The following ENPP6 variants were observed in gnomAD, a reference collection of about 807,000 sequenced individuals.
ENPP6 encodes the protein glycerophosphocholine cholinephosphodiesterase ENPP6.
A neutral mutation model predicts 42.0 loss-of-function variants in ENPP6; 32 were observed. The ratio of observed to expected loss-of-function variants is 0.76; its 90% CI spans 0.58 to 1.02. The LOEUF (loss-of-function observed/expected upper bound fraction) is 1.02. Ranked by LOEUF, ENPP6 falls within the 50% of genes least tolerant of loss-of-function variation. ENPP6 has a pLI of 0.00. For missense variants in ENPP6, 552 were observed against 566.8 expected (o/e 0.97, Z 0.27); for synonymous variants, 213 against 216.0 (o/e 0.99, Z 0.12).
At chr4:184,157,895 CAGGCA>C (rs1268981701) in intron 1 of ENPP6, among the ~76,000 whole-genome samples, 1 of 150,696 alleles carries the variant, frequency 6.6e-6, no homozygotes, top group Non-Finnish European at 1.5e-5. Flanking sequence ...GCTGGAATTA[CAGGCA>C]TGAGCCACTG....
intron 7 of ENPP6, among the ~76,000 whole-genome samples, chr4:184,095,139 C>A (rs1195690847): frequency 6.6e-6 from 1 of 152,202 alleles, no homozygotes; most frequent in Non-Finnish European, 1.5e-5. Context: ...GCTCTCCACG[C>A]TGTATCTGCC....
At position 184,209,465 on chromosome 4, in the gene ENPP6, C is replaced by T. The variant is rs1452634310; in HGVS notation, c.241+8114G>A. On this transcript the variant is annotated intron_variant, in intron 1 of 7. Transcript: ENST00000296741. Reference sequence around the variant, plus strand: ...CAGAAGCCTCAGGAGCCAAAGCAATCAACTGGAAGAAAGGGTATCAGCAAT... The same window carrying T: ...CAGAAGCCTCAGGAGCCAAAGCAATTAACTGGAAGAAAGGGTATCAGCAAT... Among the ~76,000 whole-genome samples the T allele has an allele frequency of 4.0e-5, 6 of 151,684 alleles. No individual in the cohort carries two copies. The East Asian group carries it at 1.2e-3, about 29-fold the overall frequency.
At chr4:184,120,682 A>C (rs1191459354) in intron 3 of ENPP6, among the ~76,000 whole-genome samples, 1 of 152,226 alleles carries the variant, frequency 6.6e-6, no homozygotes, top group Admixed American at 6.5e-5. Context: ...TCAGCCAGGA[A>C]AAAGGGCCGT....
At chr4:184,100,095 G>A (rs968599785) in intron 6 of ENPP6, among the ~76,000 whole-genome samples, 2 of 152,202 alleles carry the variant, frequency 1.3e-5, no homozygotes, top group Non-Finnish European at 2.9e-5. Flanking sequence ...CTTTCTAGTC[G>A]TAGGTAAATC....
At chr4:184,099,116 G>A (rs773771643) in intron 6 of ENPP6, among the ~76,000 whole-genome samples, 12 of 152,204 alleles carry the variant, frequency 7.9e-5, no homozygotes, top group Non-Finnish European at 1.5e-4. Context: ...GACAGTCAGA[G>A]TCACACAGCT....
intron 4 of ENPP6, 138 bp downstream of exon 4, chr4:184,117,621 A>G: frequency 7.8e-7 from 1 of 1,284,946 alleles, no homozygotes; most frequent in Non-Finnish European, 1.1e-6. Context: ...GTGTGAAGCC[A>G]AGGGACTCGT....
intron 2 of ENPP6, among the ~76,000 whole-genome samples, chr4:184,133,415 A>AT (rs1444455544): frequency 3.3e-5 from 5 of 151,940 alleles, no homozygotes; most frequent in African/African-American, 9.7e-5. Flanking sequence ...TGACCTTTTA[A>AT]TTTTTTCTCA....
chr4:184,162,547 A>AGAAGGAGGGAAG lies in ENPP6; in HGVS notation c.242-8815_242-8814insCTTCCCTCCTTC, dbSNP rs112158447. On this transcript the variant is annotated intron_variant, in intron 1 of 7. Transcript: ENST00000296741. ...GAAAGGAAGGAAAGGGAGGGAGGGA[A>AGAAGGAGGGAAG]GAAGGAAGGAAAGAAGGAAGGAAGG... 8.0e-3 allele frequency among the ~76,000 whole-genome samples: 275 copies of AGAAGGAGGGAAG among 34,536 alleles called. 1 individual carries two copies. The highest frequency in any genetic ancestry group is 0.012 in the African/African-American group (259 of 21,020). The allele number at this position is 34,536 out of a possible 152,430, so 22.7% of individuals were successfully genotyped here. A position where few individuals can be genotyped will look rare whatever the true frequency, so the allele number is the denominator to read the frequency against.
intron 1 of ENPP6, among the ~76,000 whole-genome samples, chr4:184,162,187 C>A (rs2111084857): frequency 6.6e-6 from 1 of 152,288 alleles, no homozygotes; most frequent in South Asian, 2.1e-4. Flanking sequence ...CAACCCCCTC[C>A]AAAATTTCTC....
intron 6 of ENPP6, among the ~76,000 whole-genome samples, chr4:184,110,343 T>C (rs563568162): frequency 6.6e-6 from 1 of 152,296 alleles, no homozygotes; most frequent in African/African-American, 2.4e-5. Context: ...GTCAGCTGAT[T>C]GATGAGACTG....
intron 6 of ENPP6, 116 bp from the exon 7 acceptor site, chr4:184,097,484 A>C (rs1429554178): frequency 7.0e-7 from 1 of 1,419,300 alleles, no homozygotes; most frequent in Non-Finnish European, 9.5e-7. Context: ...GCTCCGACTG[A>C]CCCAGACTGA....
At chr4:184,187,027 A>G (rs1220722439) in intron 1 of ENPP6, among the ~76,000 whole-genome samples, 1 of 152,218 alleles carries the variant, frequency 6.6e-6, no homozygotes, top group African/African-American at 2.4e-5. Flanking sequence ...AAGGTTAAAC[A>G]TAAGAGAAAT....
intron 1 of ENPP6, among the ~76,000 whole-genome samples, chr4:184,157,873 G>C (rs1449519392): frequency 6.7e-6 from 1 of 149,036 alleles, no homozygotes; most frequent in Non-Finnish European, 1.5e-5. Flanking sequence ...ACCCGCCTCA[G>C]TATCCCAAAG....
intron 2 of ENPP6, among the ~76,000 whole-genome samples, chr4:184,145,942 G>GT (rs1238138688): frequency 6.6e-6 from 1 of 151,988 alleles, no homozygotes; most frequent in African/African-American, 2.4e-5. Flanking sequence ...AAATAATTTG[G>GT]TTAGCACACC....
At chr4:184,131,126 T>C (rs185591990) in intron 2 of ENPP6, among the ~76,000 whole-genome samples, 77 of 152,062 alleles carry the variant, frequency 5.1e-4, no homozygotes, top group African/African-American at 1.8e-3. Context: ...TTCAACTTGC[T>C]TCCACCAGCA....
At position 184,090,861 on chromosome 4, in the gene ENPP6, C is replaced by T; in HGVS notation, c.*316G>A. The T allele has an allele frequency of 4.6e-6, 2 of 437,230 alleles. No homozygotes were observed. Among genetic ancestry groups the T allele is most frequent in the Non-Finnish European group, 8.0e-6 (2 of 249,438 alleles). The allele number at this position is 437,230 out of a possible 1,614,324, so 27.1% of individuals were successfully genotyped here. ...CCACGTCTGTCTGCAATAACCACTC[C>T]AAGTTTGGTTGCTGCAGGAGCAGGT... On this transcript the variant is annotated 3_prime_UTR_variant, in exon 8 of 8. Transcript: ENST00000296741.
chr4:184,194,667 A>G (rs984468575), intron 1 of ENPP6, among the ~76,000 whole-genome samples: 2 of 152,290 alleles, frequency 1.3e-5, no homozygotes, highest in Non-Finnish European at 2.9e-5. Context: ...CCAGGGAGGA[A>G]AAAGAAGGAG....
intron 1 of ENPP6, among the ~76,000 whole-genome samples, chr4:184,189,343 A>G (rs1732683103): frequency 1.3e-5 from 2 of 152,242 alleles, no homozygotes; most frequent in African/African-American, 4.8e-5. Flanking sequence ...TTTTCAACAG[A>G]AATTCCTGGC....
chr4:184,092,959 G>A (rs990831210), intron 7 of ENPP6, among the ~76,000 whole-genome samples: 97 of 152,146 alleles, frequency 6.4e-4, no homozygotes, highest in African/African-American at 2.2e-3. Context: ...ATTTATCCTG[G>A]AATTATAAAT....
Sources: gnomAD v4.1 joint callset for allele counts (sites outside exome capture counted in the v4.1 genomes callset) on GRCh38, gnomAD v4.1.1 for gene constraint, MANE v1.5 for transcripts, NCBI Gene and HGNC (gene_info 2026-07-23, HGNC 2026-07-21) for gene names.